Variants in PLD5 observed in about 807,000 individuals in gnomAD.
PLD5 encodes the protein phospholipase D family member 5.
In PLD5, 36 loss-of-function variants were observed where a neutral mutation model predicts 61.1. The ratio of observed to expected loss-of-function variants is 0.59; its 90% CI spans 0.45 to 0.78. The LOEUF is 0.78. PLD5 is among the 30% of genes least tolerant of loss of function. The probability of loss-of-function intolerance (pLI) is 0.00; values close to 1 mark genes in which losing one functional copy is unlikely to be tolerated. For missense variants in PLD5, 515 were observed against 644.4 expected, an observed-to-expected ratio of 0.80 and a Z score of 2.17; for synonymous variants, 243 against 242.8, an observed-to-expected ratio of 1.00 and a Z score of -0.01.
At chr1:242,443,141 A>C (rs1157489535) in intron 1 of PLD5, among the ~76,000 whole-genome samples, 2 of 152,206 alleles carry the variant, frequency 1.3e-5, no homozygotes, top group Non-Finnish European at 1.5e-5. Context: ...GTGAGATTTA[A>C]GTATATACAG....
chr1:242,151,018 A>G (rs1664889208), intron 5 of PLD5, among the ~76,000 whole-genome samples: 1 of 151,818 alleles, frequency 6.6e-6, no homozygotes, highest in Non-Finnish European at 1.5e-5. Flanking sequence ...ATAGATTTTT[A>G]ATTAATCAGA....
At chr1:242,189,223 A>C (rs1668088031) in intron 5 of PLD5, among the ~76,000 whole-genome samples, 1 of 152,040 alleles carries the variant, frequency 6.6e-6, no homozygotes, top group Admixed American at 6.6e-5. Flanking sequence ...AAGGCAGGTG[A>C]ATCACAGGGT....
chr1:242,183,882 G>A (rs1001265780), intron 5 of PLD5, among the ~76,000 whole-genome samples: 4 of 152,016 alleles, frequency 2.6e-5, no homozygotes, highest in African/African-American at 7.2e-5. Flanking sequence ...GCGACAGAGC[G>A]AGACTCCGTC....
At chr1:242,521,569 A>G (rs899742656) in intron 1 of PLD5, among the ~76,000 whole-genome samples, 14 of 108,748 alleles carry the variant, frequency 1.3e-4, no homozygotes, top group South Asian at 2.7e-4. Context: ...CTTTTAAAGC[A>G]CCAGCAAAAT....
intron 1 of PLD5, among the ~76,000 whole-genome samples, chr1:242,510,710 T>A (rs1302518761): frequency 2.6e-5 from 4 of 151,586 alleles, no homozygotes; most frequent in Non-Finnish European, 5.9e-5. Context: ...CTGGGCGGGG[T>A]GGCAGGCGCC....
chr1:242,229,023 T>C (rs1478501234), intron 4 of PLD5, among the ~76,000 whole-genome samples: 1 of 152,244 alleles, frequency 6.6e-6, no homozygotes, highest in Non-Finnish European at 1.5e-5. Context: ...CCCTCAACTT[T>C]TATATGTGTG....
At chr1:242,120,637 G>A (rs1414131744) in intron 6 of PLD5, among the ~76,000 whole-genome samples, 1 of 152,124 alleles carries the variant, frequency 6.6e-6, no homozygotes, top group African/African-American at 2.4e-5. Flanking sequence ...CCATATACAT[G>A]GCTGACAGGT....
At chr1:242,387,842 A>G (rs1461690697) in intron 1 of PLD5, among the ~76,000 whole-genome samples, 1 of 152,076 alleles carries the variant, frequency 6.6e-6, no homozygotes, top group African/African-American at 2.4e-5. Context: ...CTTTAAGGAA[A>G]CGTTCATTAT....
At chr1:242,499,148 C>T (rs1668472657) in intron 1 of PLD5, among the ~76,000 whole-genome samples, 1 of 152,172 alleles carries the variant, frequency 6.6e-6, no homozygotes, top group South Asian at 2.1e-4. Context: ...AGAAGTTTTA[C>T]TATTCCTTTA....
intron 6 of PLD5, among the ~76,000 whole-genome samples, chr1:242,118,870 T>C (rs1342502171): frequency 1.3e-5 from 2 of 152,218 alleles, no homozygotes; most frequent in Non-Finnish European, 2.9e-5. Context: ...CTGTAAAATG[T>C]CTGCCCAGAA....
chr1:242,502,015 G>C (rs1379356421), intron 1 of PLD5, among the ~76,000 whole-genome samples: 7 of 152,000 alleles, frequency 4.6e-5, no homozygotes, highest in Admixed American at 4.6e-4. Flanking sequence ...CCTGAGAATA[G>C]CTGGAGATGC....
At chr1:242,500,853 C>T (rs2809989) in intron 1 of PLD5, among the ~76,000 whole-genome samples, 12,139 of 152,106 alleles carry the variant, frequency 0.08, 1,213 homozygotes, top group African/African-American at 0.24. Context: ...GGAAGCTATG[C>T]TTAGGAATAA....
At chr1:242,344,470 T>C (rs1660017340) in intron 2 of PLD5, among the ~76,000 whole-genome samples, 1 of 152,170 alleles carries the variant, frequency 6.6e-6, no homozygotes, top group Non-Finnish European at 1.5e-5. Context: ...ACTAAAATCA[T>C]GATAGATTCG....
At chr1:242,419,747 G>A (rs1050469715) in intron 1 of PLD5, among the ~76,000 whole-genome samples, 1 of 151,858 alleles carries the variant, frequency 6.6e-6, no homozygotes, top group Non-Finnish European at 1.5e-5. Flanking sequence ...GAGAAGTAAA[G>A]GTCTAGGGCT....
intron 2 of PLD5, among the ~76,000 whole-genome samples, chr1:242,327,344 C>T (rs180687279): frequency 3.9e-5 from 6 of 152,250 alleles, no homozygotes; most frequent in Admixed American, 3.9e-4. Flanking sequence ...ATATATATGA[C>T]TGCATAGCTC....
chr1:242,354,304 A>AATG (rs1197169247), intron 1 of PLD5, among the ~76,000 whole-genome samples: 1 of 152,024 alleles, frequency 6.6e-6, no homozygotes, highest in Admixed American at 6.6e-5. Context: ...TAAATAATCC[A>AATG]CCCTGAATTT....
intron 1 of PLD5, among the ~76,000 whole-genome samples, chr1:242,361,905 T>C (rs1571977014): frequency 6.6e-6 from 1 of 151,104 alleles, no homozygotes; most frequent in Non-Finnish European, 1.5e-5. Context: ...GAGGCCGAGG[T>C]GGGAGGATTG....
At chr1:242,250,971 G>T (rs946884525) in intron 4 of PLD5, among the ~76,000 whole-genome samples, 7 of 152,168 alleles carry the variant, frequency 4.6e-5, no homozygotes, top group Admixed American at 1.3e-4. Context: ...GGAGGAGAAG[G>T]AAATCAAGGT....
At chr1:242,177,928 C>T (rs775600355) in intron 5 of PLD5, 4 of 152,220 alleles carry the variant, frequency 2.6e-5, no homozygotes, top group Non-Finnish European at 5.9e-5. Context: ...AAGATTCAGG[C>T]TCTGACACTG....
Sources: gnomAD v4.1 joint callset for allele counts (sites outside exome capture counted in the v4.1 genomes callset) on GRCh38, gnomAD v4.1.1 for gene constraint, MANE v1.5 for transcripts, NCBI Gene and HGNC (gene_info 2026-07-23, HGNC 2026-07-21) for gene names.